TMPPE: variants seen among roughly 807,000 people sequenced by gnomAD.
The protein encoded by TMPPE is transmembrane protein with metallophosphoesterase domain.
A neutral mutation model predicts 22.6 loss-of-function variants in TMPPE; 16 were observed. The observed-to-expected ratio is 0.71, with a 90% CI of 0.48 to 1.08. The LOEUF (loss-of-function observed/expected upper bound fraction) is 1.08. Ranked by LOEUF, TMPPE falls within the 50% of genes least tolerant of loss-of-function variation. TMPPE has a pLI of 0.00. For synonymous variants in TMPPE, 240 were observed against 245.3 expected, an observed-to-expected ratio of 0.98 and a Z score of 0.20; for missense variants, 526 against 584.3, an observed-to-expected ratio of 0.90 and a Z score of 1.03.
Position 33,091,499 on chromosome 3 carries a change from G to T in TMPPE, c.*1335C>A. 1.0e-6 allele frequency: 1 copy of T among 985,494 alleles called. No homozygotes were observed. Among genetic ancestry groups the T allele is most frequent in the Non-Finnish European group, 1.2e-6 (1 of 829,960 alleles). The allele number at this position is 985,494 out of a possible 1,614,324, so 61.0% of individuals were successfully genotyped here. ...TGCTCCATGAATCCTCTGGGCACCT[G>T]TGCCCAACAGAGTTCCTTAGCAAGC... On this transcript the variant is annotated 3_prime_UTR_variant, in exon 2 of 2. Coordinates refer to ENST00000342462, the MANE Select transcript of TMPPE (RefSeq NM_001039770.3).
At position 33,091,686 on chromosome 3, in the gene TMPPE, A is replaced by C. The variant is rs1700769599; in HGVS notation, c.*1148T>G. On this transcript the variant is annotated 3_prime_UTR_variant, in exon 2 of 2. Transcript: ENST00000342462. ...GGTTGATGGAAACCAAGGCTGAGTGAGGGAAAGTCACCCACCCAACGCTGC... is the reference window on the plus strand; with the variant it reads ...GGTTGATGGAAACCAAGGCTGAGTGCGGGAAAGTCACCCACCCAACGCTGC... The C allele has an allele frequency of 2.0e-6, 2 of 985,298 alleles. No individual in the cohort carries two copies. The highest frequency in any genetic ancestry group is 1.2e-6 in the Non-Finnish European group (1 of 829,816). The allele number at this position is 985,298 out of a possible 1,614,324, so 61.0% of individuals were successfully genotyped here.
rs1700759829 is a variant in TMPPE at position 33,091,484 on chromosome 3, A to G, written c.*1350T>C. 5 of 985,446 alleles carry G rather than the reference A, an allele frequency of 5.1e-6. No individual in the cohort carries two copies. The highest frequency in any genetic ancestry group is 9.4e-5 in the South Asian group (2 of 21,290). The allele number at this position is 985,446 out of a possible 1,614,324, so 61.0% of individuals were successfully genotyped here. A position where few individuals can be genotyped will look rare whatever the true frequency, so the allele number is the denominator to read the frequency against. On this transcript the variant is annotated 3_prime_UTR_variant, in exon 2 of 2. Coordinates refer to ENST00000342462, the MANE Select transcript of TMPPE (RefSeq NM_001039770.3). ...TTCCCCAGGACTGGCTGCTCCATGA[A>G]TCCTCTGGGCACCTGTGCCCAACAG...
At position 33,092,839 on chromosome 3, in the gene TMPPE, G is replaced by A. The variant is rs1056984298; in HGVS notation, c.1357C>T (p.Pro453Ser). The A allele has an allele frequency of 1.3e-6, 2 of 1,598,812 alleles. No individual in the cohort carries two copies. The highest frequency in any genetic ancestry group is 2.7e-5 in the African/African-American group (2 of 74,800). ...GTGCACAGGGCAGGGCCAGTTCAGGGAGACCGCTGCAGGATGAGCTCTGTG... is the reference window on the plus strand; with the variant it reads ...GTGCACAGGGCAGGGCCAGTTCAGGAAGACCGCTGCAGGATGAGCTCTGTG... ...EITELILQRS[P>S] is the part of the protein sequence containing the mutation. Residue 453 changes from proline (P) to serine (S), a missense_variant, in exon 2 of 2, where the codon CCC (proline) becomes TCC (serine). By Grantham distance (74) the Pro-to-Ser change is moderately conservative. Transcript: ENST00000342462.
Position 33,093,743 on chromosome 3 carries a change from C to T in TMPPE, c.453G>A (p.Arg151=), listed in dbSNP as rs368587546. 3 of 1,613,726 alleles carry T rather than the reference C, an allele frequency of 1.9e-6. No homozygotes were observed. The African/African-American group carries it at 4.0e-5, about 22-fold the overall frequency. Residue 151 remains arginine, a synonymous_variant, in exon 2 of 2, where the codon AGG becomes AGA. Transcript: ENST00000342462. This position sits in a 1 kb window ranked among gnomAD's most constrained non-coding sequence, Gnocchi z 6.0. The part of the protein sequence containing the change: ...AYQLLAWRSG[R]VVGSLEKTRK... ...TTGTCTTCTCAAGGCTGCCCACGAC[C>T]CTACCACTGCGCCAGGCCAAGAGCT...
rs1040461155 is a variant in TMPPE at position 33,093,656 on chromosome 3, C to T, written c.540G>A (p.Gly180=). 1.9e-6 allele frequency: 3 copies of T among 1,614,200 alleles called. No homozygotes were observed. The highest frequency in any genetic ancestry group is 2.5e-6 in the Non-Finnish European group (3 of 1,180,044). ...CCGGGGGCTGCGCGGCATTCAGAAT[C>T]CCGGCCACGCTGAGCACAGCAGTCA... ...VGVTAVLSVA[G]ILNAAQPPAV... Residue 180 remains glycine, a synonymous_variant, in exon 2 of 2, where the codon GGG becomes GGA. Coordinates refer to ENST00000342462, the MANE Select transcript of TMPPE (RefSeq NM_001039770.3). The surrounding 1 kb of genome is among the most constrained non-coding windows in gnomAD (Gnocchi z 6.0).
chr3:33,096,917 C>T lies in TMPPE; in HGVS notation c.-307G>A. The stretch of plus-strand genomic sequence containing the variant: ...GCACTTCGGGGCTCAGGCTCCCCGC[C>T]CTGCGGGACCGCGGGTGGCTGCGAC... On this transcript the variant is annotated 5_prime_UTR_variant, in exon 1 of 2. Coordinates refer to ENST00000342462, the MANE Select transcript of TMPPE (RefSeq NM_001039770.3). The T allele has an allele frequency of 6.5e-7, 1 of 1,534,042 alleles. No individual in the cohort carries two copies. The highest frequency in any genetic ancestry group is 8.8e-7 in the Non-Finnish European group (1 of 1,140,362).
Position 33,091,304 on chromosome 3 carries a change from C to G in TMPPE, c.*1530G>C. On this transcript the variant is annotated 3_prime_UTR_variant, in exon 2 of 2. Transcript: ENST00000342462. ...ACAAAAAGGGTGGTCTCCAGATCCC[C>G]CAGAACCCCACTATACACCAGGAGG... 6.1e-6 allele frequency: 6 copies of G among 985,384 alleles called. No homozygotes were observed. Among genetic ancestry groups the G allele is most frequent in the Non-Finnish European group, 7.2e-6 (6 of 830,058 alleles). The allele number at this position is 985,384 out of a possible 1,614,324, so 61.0% of individuals were successfully genotyped here. A position where few individuals can be genotyped will look rare whatever the true frequency, so the allele number is the denominator to read the frequency against.
intron 1 of TMPPE, among the ~76,000 whole-genome samples, chr3:33,095,997 G>A (rs989677488): frequency 1.3e-5 from 2 of 152,182 alleles, no homozygotes; most frequent in African/African-American, 4.8e-5. Context: ...TACTTAAGAT[G>A]TTCAATCTTG....
Position 33,091,968 on chromosome 3 carries a change from C to T in TMPPE, c.*866G>A. 1.0e-6 allele frequency: 1 copy of T among 984,340 alleles called. No homozygotes were observed. The highest frequency in any genetic ancestry group is 1.2e-6 in the Non-Finnish European group (1 of 828,890). The allele number at this position is 984,340 out of a possible 1,614,324, so 61.0% of individuals were successfully genotyped here. ...CTGGTTTCTAGCCCCAAATCTCCTA[C>T]ATATCTTGTCATACTGCCTGTGCCC... On this transcript the variant is annotated 3_prime_UTR_variant, in exon 2 of 2. Coordinates refer to ENST00000342462, the MANE Select transcript of TMPPE (RefSeq NM_001039770.3).
Position 33,093,833 on chromosome 3 carries a change from G to C in TMPPE, c.363C>G (p.Cys121Trp). Residue 121 changes from cysteine (C) to tryptophan (W), a missense_variant, in exon 2 of 2, where the codon TGC (cysteine) becomes TGG (tryptophan). Cys to Trp is a radical substitution (Grantham distance 215). Coordinates refer to ENST00000342462, the MANE Select transcript of TMPPE (RefSeq NM_001039770.3). The surrounding 1 kb of genome is among the most constrained non-coding windows in gnomAD (Gnocchi z 6.0). ...PYLFSLAAYS[C>W]LGAYIIMLFF... ...AGAGCATGATGATGTAAGCACCCAG[G>C]CAGGAGTAGGCCGCCAAGGAAAAGA... 6.2e-7 allele frequency: 1 copy of C among 1,613,590 alleles called. No individual in the cohort carries two copies. The highest frequency in any genetic ancestry group is 8.5e-7 in the Non-Finnish European group (1 of 1,179,736).
chr3:33,093,670 G>A lies in TMPPE; in HGVS notation c.526C>T (p.Leu176Phe). 1 of 1,614,136 alleles carries A rather than the reference G, an allele frequency of 6.2e-7. No individual in the cohort carries two copies. Among genetic ancestry groups the A allele is most frequent in the Non-Finnish European group, 8.5e-7 (1 of 1,180,016 alleles). Residue 176 changes from leucine to phenylalanine, a missense_variant, in exon 2 of 2, where the codon CTC (leucine) becomes TTC (phenylalanine). Leu to Phe is a conservative substitution (Grantham distance 22, BLOSUM62 0). Coordinates refer to ENST00000342462, the MANE Select transcript of TMPPE (RefSeq NM_001039770.3). The surrounding 1 kb of genome is among the most constrained non-coding windows in gnomAD (Gnocchi z 6.0). ...GCATTCAGAATCCCGGCCACGCTGAGCACAGCAGTCACTCCCACTGCCAGG... is the reference window on the plus strand; with the variant it reads ...GCATTCAGAATCCCGGCCACGCTGAACACAGCAGTCACTCCCACTGCCAGG... ...PALAVGVTAV[L>F]SVAGILNAAQ...
chr3:33,092,337 A>G lies in TMPPE; in HGVS notation c.*497T>C, dbSNP rs2125583771. 5 of 987,664 alleles carry G rather than the reference A, an allele frequency of 5.1e-6. No individual in the cohort carries two copies. The South Asian group carries it at 2.3e-4, about 46-fold the overall frequency. The allele number at this position is 987,664 out of a possible 1,614,324, so 61.2% of individuals were successfully genotyped here. The stretch of plus-strand genomic sequence containing the variant: ...TCTCTAGCAGCCAGAGGGCCCTTCC[A>G]TCTTGCCTGTTCTCCCAAATTACCT... On this transcript the variant is annotated 3_prime_UTR_variant, in exon 2 of 2. Transcript: ENST00000342462.
rs190987876 is a variant in TMPPE at position 33,093,385 on chromosome 3, C to T, written c.811G>A (p.Ala271Thr). ...TCATGATTGCCTGTGACGAAGTAGG[C>T]ACCGAGATGTGAATGAAGCTGGCCC... ...PLGQLHSHLGAYFVTGNHEYY... is the reference protein window; with the variant it reads ...PLGQLHSHLGTYFVTGNHEYY... The change falls in exon 2 of 2, where the codon GCC (alanine) becomes ACC (threonine). Residue 271 changes from alanine (A) to threonine (T), a missense_variant. Physicochemically the swap from Ala to Thr is moderately conservative, Grantham distance 58. Coordinates refer to ENST00000342462, the MANE Select transcript of TMPPE (RefSeq NM_001039770.3). The surrounding 1 kb of genome is among the most constrained non-coding windows in gnomAD (Gnocchi z 6.0). 6.2e-6 allele frequency: 10 copies of T among 1,614,186 alleles called. No homozygotes were observed. The East Asian group carries it at 2.2e-4, about 36-fold the overall frequency.
At position 33,093,446 on chromosome 3, in the gene TMPPE, T is replaced by C; in HGVS notation, c.750A>G (p.Ser250=). 1 of 1,614,096 alleles carries C rather than the reference T, an allele frequency of 6.2e-7. No individual in the cohort carries two copies. The highest frequency in any genetic ancestry group is 8.5e-7 in the Non-Finnish European group (1 of 1,180,026). ...ITVIVGDLSD[S]EASVLRTAVA... ...CAGCCGTCCGCAGGACCGAGGCTTC[T>C]GAGTCGGAGAGGTCACCCACAATCA... The change falls in exon 2 of 2, where the codon TCA becomes TCG. Residue 250 remains serine, a synonymous_variant. Coordinates refer to ENST00000342462, the MANE Select transcript of TMPPE (RefSeq NM_001039770.3). The surrounding 1 kb of genome is among the most constrained non-coding windows in gnomAD (Gnocchi z 6.0).
chr3:33,093,257 T>A lies in TMPPE; in HGVS notation c.939A>T (p.Gln313His), dbSNP rs201350483. The A allele has an allele frequency of 1.1e-5, 18 of 1,614,034 alleles. No homozygotes were observed. Among genetic ancestry groups the A allele is most frequent in the African/African-American group, 5.3e-5 (4 of 75,000 alleles). Reference protein sequence around the residue: ...ENVKISATRAQRGGGGSGSGS... With the variant: ...ENVKISATRAHRGGGGSGSGS... ...CACTGCCACTGCCACCACCACCACG[T>A]TGGGCCCGTGTGGCGGAAATCTTCA... The change falls in exon 2 of 2, where the codon CAA (glutamine) becomes CAT (histidine). Residue 313 changes from glutamine (Q) to histidine (H), a missense_variant. Gln to His is a conservative substitution (Grantham distance 24). Coordinates refer to ENST00000342462, the MANE Select transcript of TMPPE (RefSeq NM_001039770.3). The surrounding 1 kb of genome is among the most constrained non-coding windows in gnomAD (Gnocchi z 6.0).
Position 33,096,997 on chromosome 3 carries a change from T to C in TMPPE, c.-387A>G, listed in dbSNP as rs1442796132. On this transcript the variant is annotated 5_prime_UTR_variant, in exon 1 of 2. Transcript: ENST00000342462. ...CTAGCAATGCCTCCCCGTACCCGGG[T>C]CCCGCAGACTTACGCGCAAGCCGCG... 2 of 1,610,550 alleles carry C rather than the reference T, an allele frequency of 1.2e-6. No individual in the cohort carries two copies. Among genetic ancestry groups the C allele is most frequent in the African/African-American group, 2.7e-5 (2 of 74,644 alleles).
chr3:33,091,337 G>C lies in TMPPE; in HGVS notation c.*1497C>G, dbSNP rs1369822805. 9.1e-6 allele frequency: 9 copies of C among 985,398 alleles called. No individual in the cohort carries two copies. Among genetic ancestry groups the C allele is most frequent in the Non-Finnish European group, 1.1e-5 (9 of 830,012 alleles). The allele number at this position is 985,398 out of a possible 1,614,324, so 61.0% of individuals were successfully genotyped here. On this transcript the variant is annotated 3_prime_UTR_variant, in exon 2 of 2. Coordinates refer to ENST00000342462, the MANE Select transcript of TMPPE (RefSeq NM_001039770.3). ...CCACTATACACCAGGAGGACAAGGA[G>C]GAAAGGAAGAAACCCCCTTTGCCTG...
In TMPPE at chr3:33,094,222, A is replaced by G; in HGVS notation, c.-27T>C. On this transcript the variant is annotated 5_prime_UTR_variant, in exon 2 of 2. Transcript: ENST00000342462. The stretch of plus-strand genomic sequence containing the variant: ...TTCTCTGCTCCTAGTAGGCTCCCCC[A>G]CCAGTTCTGTGCTGGTGGACTCTGG... 1 of 1,569,350 alleles carries G rather than the reference A, an allele frequency of 6.4e-7. No homozygotes were observed. Among genetic ancestry groups the G allele is most frequent in the East Asian group, 2.3e-5 (1 of 44,408 alleles).
chr3:33,090,693 G>A lies in TMPPE; in HGVS notation c.*2141C>T. On this transcript the variant is annotated 3_prime_UTR_variant, in exon 2 of 2. Coordinates refer to ENST00000342462, the MANE Select transcript of TMPPE (RefSeq NM_001039770.3). ...CATGGAGACCTGCCCACCAGGGCCAGAATCTGGACAGTGATGGAGAAATTT... is the reference window on the plus strand; with the variant it reads ...CATGGAGACCTGCCCACCAGGGCCAAAATCTGGACAGTGATGGAGAAATTT... The A allele has an allele frequency of 5.1e-6, 5 of 985,448 alleles. No homozygotes were observed. Among genetic ancestry groups the A allele is most frequent in the Non-Finnish European group, 6.0e-6 (5 of 829,938 alleles). The allele number at this position is 985,448 out of a possible 1,614,324, so 61.0% of individuals were successfully genotyped here.
Sources: allele counts gnomAD v4.1 joint callset (sites outside exome capture counted in the v4.1 genomes callset), GRCh38; gene constraint gnomAD v4.1.1; non-coding constraint Gnocchi (gnomAD v3.1); transcripts MANE v1.5; gene names NCBI Gene and HGNC (gene_info 2026-07-23, HGNC 2026-07-21).